PPFIBP2: variants seen among roughly 807,000 people sequenced by gnomAD.
The protein encoded by PPFIBP2 is PPFIB scaffold protein 2, also known as liprin-beta-2.
Under a neutral mutation model 118.3 loss-of-function variants are expected in PPFIBP2, and 118 were observed. The observed-to-expected ratio is 1.00, with a 90% CI of 0.86 to 1.16. PPFIBP2 has a LOEUF of 1.16. Ranked by LOEUF, PPFIBP2 falls within the 50% of genes most tolerant of loss-of-function variation. PPFIBP2 has a pLI of 0.00. For synonymous variants in PPFIBP2, 414 were observed against 397.4 expected, an observed-to-expected ratio of 1.04 and a Z score of -0.50; for missense variants, 1,195 against 1,073.1, an observed-to-expected ratio of 1.11 and a Z score of -1.59.
the PPFIBP2 span, among the ~76,000 whole-genome samples, chr11:7,663,491 G>A: frequency 2.4e-4 from 37 of 152,218 alleles, 1 homozygote; most frequent in African/African-American, 8.9e-4. Flanking sequence ...CACTTGAGGA[G>A]GCAGTCTGCC....
chr11:7,637,308 G>A (rs763780715), intron 14 of PPFIBP2, among the ~76,000 whole-genome samples: 13 of 152,230 alleles, frequency 8.5e-5, no homozygotes, highest in Non-Finnish European at 1.3e-4. Context: ...AGTGCCTGCC[G>A]TGGTCTAAGG....
chr11:7,651,232 C>T, intron 22 of PPFIBP2: 1 of 363,066 alleles, frequency 2.8e-6, no homozygotes, highest in Non-Finnish European at 4.9e-6. Flanking sequence ...CCAACGCTTA[C>T]AAGGCGAGGG....
intron 3 of PPFIBP2, among the ~76,000 whole-genome samples, chr11:7,569,697 C>A (rs949942056): frequency 6.6e-6 from 1 of 152,152 alleles, no homozygotes; most frequent in Non-Finnish European, 1.5e-5. Context: ...CAGTGTTACC[C>A]TCAGGAGATG....
intron 6 of PPFIBP2, among the ~76,000 whole-genome samples, chr11:7,614,651 C>G (rs927024236): frequency 6.6e-6 from 1 of 152,128 alleles, no homozygotes; most frequent in Non-Finnish European, 1.5e-5. Context: ...GAAATTTTGA[C>G]AGATATTTCC....
intron 1 of PPFIBP2, chr11:7,548,549 C>G (rs1327260110): frequency 6.6e-6 from 1 of 152,216 alleles, no homozygotes; most frequent in Admixed American, 6.5e-5. Flanking sequence ...TCCCTCCTTG[C>G]TACCCAGGGA....
At chr11:7,547,044 G>A (rs1369903579) in intron 1 of PPFIBP2, among the ~76,000 whole-genome samples, 1 of 152,234 alleles carries the variant, frequency 6.6e-6, no homozygotes, top group Non-Finnish European at 1.5e-5. Context: ...GAACCTGGGA[G>A]TAAACAAGGC....
chr11:7,571,650 A>G (rs1391744623), intron 3 of PPFIBP2: 2 of 152,148 alleles, frequency 1.3e-5, no homozygotes. Context: ...TTCAAGAAAA[A>G]AAGTAGAGCC....
intron 2 of PPFIBP2, among the ~76,000 whole-genome samples, chr11:7,556,158 A>C: frequency 6.6e-6 from 1 of 152,222 alleles, no homozygotes; most frequent in Non-Finnish European, 1.5e-5. Flanking sequence ...ACTACGATTA[A>C]ATTTCTTTAT....
intron 3 of PPFIBP2, chr11:7,576,509 AGCTCCAGGTCTCC>A (rs1461650225): frequency 6.6e-6 from 1 of 152,380 alleles, no homozygotes; most frequent in African/African-American, 2.4e-5. Context: ...AAACAGCTGC[AGCTCCAGGTCTCC>A]GCCAGCCTTT....
intron 3 of PPFIBP2, 31 bp downstream of exon 3, chr11:7,565,798 A>G (rs2134728579): frequency 6.2e-7 from 1 of 1,608,026 alleles, no homozygotes; most frequent in Non-Finnish European, 8.5e-7. Context: ...ATTGGGAACC[A>G]CTGGGGAATG....
intron 3 of PPFIBP2, among the ~76,000 whole-genome samples, chr11:7,583,962 G>A (rs931881388): frequency 6.6e-6 from 1 of 152,202 alleles, no homozygotes; most frequent in African/African-American, 2.4e-5. Context: ...TCATTCAAAT[G>A]GTGCCTCCAC....
At chr11:7,645,046 A>G in intron 17 of PPFIBP2, among the ~76,000 whole-genome samples, 1 of 146,834 alleles carries the variant, frequency 6.8e-6, no homozygotes, top group Middle Eastern at 3.6e-3. Context: ...AAAAAAAAAA[A>G]AAAAAAAAAA....
chr11:7,529,726 G>A (rs571183871), intron 1 of PPFIBP2, among the ~76,000 whole-genome samples: 1 of 152,332 alleles, frequency 6.6e-6, no homozygotes, highest in African/African-American at 2.4e-5. Flanking sequence ...TCTCTGTCAG[G>A]TACCTGCCCC....
chr11:7,663,867 C>T, the PPFIBP2 span, among the ~76,000 whole-genome samples: 1 of 152,214 alleles, frequency 6.6e-6, no homozygotes, highest in Non-Finnish European at 1.5e-5. Context: ...GTTTTTTAAG[C>T]CCGTCGGAAA....
chr11:7,546,853 A>G (rs886344877), intron 1 of PPFIBP2, among the ~76,000 whole-genome samples: 4 of 152,308 alleles, frequency 2.6e-5, no homozygotes, highest in Non-Finnish European at 5.9e-5. Flanking sequence ...ACCTGCCTCT[A>G]TCAACATACC....
intron 3 of PPFIBP2, among the ~76,000 whole-genome samples, chr11:7,570,505 C>T (rs1239059508): frequency 6.6e-6 from 1 of 152,182 alleles, no homozygotes; most frequent in Non-Finnish European, 1.5e-5. Context: ...AGAGAAAGGG[C>T]AGGCAAACCC....
intron 6 of PPFIBP2, among the ~76,000 whole-genome samples, chr11:7,613,100 T>TC (rs1236731840): frequency 2.0e-5 from 3 of 152,142 alleles, no homozygotes; most frequent in African/African-American, 2.4e-5. Flanking sequence ...CTTTTTTTTT[T>TC]CCCCCTCAGG....
At chr11:7,567,178 A>G (rs1172979861) in intron 3 of PPFIBP2, among the ~76,000 whole-genome samples, 1 of 152,150 alleles carries the variant, frequency 6.6e-6, no homozygotes, top group Non-Finnish European at 1.5e-5. Flanking sequence ...CTCAGAACAG[A>G]TAACTGTTCA....
intron 3 of PPFIBP2, chr11:7,577,757 C>T (rs1473208263): frequency 2.3e-6 from 1 of 426,860 alleles, no homozygotes; most frequent in Non-Finnish European, 4.7e-6. Flanking sequence ...CCAGCAAAGC[C>T]CTGCTGTGGC....
Sources: allele counts gnomAD v4.1 joint callset (sites outside exome capture counted in the v4.1 genomes callset), GRCh38; gene constraint gnomAD v4.1.1; transcripts MANE v1.5; gene names NCBI Gene and HGNC (gene_info 2026-07-23, HGNC 2026-07-21).